The following PLXNA4 variants were observed in gnomAD, a reference collection of about 807,000 sequenced individuals.
PLXNA4 encodes the protein plexin-A4.
In PLXNA4, 44 loss-of-function variants were observed where a neutral mutation model predicts 191.8. That is an observed-to-expected ratio of 0.23 (90% confidence interval 0.18 to 0.29). The LOEUF (loss-of-function observed/expected upper bound fraction) is 0.29, where lower values mean the gene tolerates loss of function less well. PLXNA4 is among the 10% of genes least tolerant of loss of function. The pLI is 1.00. For missense variants in PLXNA4, 1,800 were observed against 2,488.8 expected, an observed-to-expected ratio of 0.72 and a Z score of 5.89; for synonymous variants, 1,082 against 1,009.5, an observed-to-expected ratio of 1.07 and a Z score of -1.36.
chr7:132,398,944 A>C (rs1196427281), intron 3 of PLXNA4, among the ~76,000 whole-genome samples: 1 of 152,146 alleles, frequency 6.6e-6, no homozygotes, highest in Non-Finnish European at 1.5e-5. Flanking sequence ...CTGTCCACAA[A>C]GATGGCCTTT....
chr7:132,636,079 G>A (rs1350748271), intron 2 of PLXNA4, among the ~76,000 whole-genome samples: 2 of 152,202 alleles, frequency 1.3e-5, no homozygotes, highest in African/African-American at 4.8e-5. Flanking sequence ...GCATAGGGAG[G>A]TGTGAGGAAA....
At chr7:132,345,161 G>C (rs753845719) in intron 3 of PLXNA4, among the ~76,000 whole-genome samples, 12 of 152,076 alleles carry the variant, frequency 7.9e-5, no homozygotes, top group Non-Finnish European at 1.6e-4. Flanking sequence ...TAAAATACAG[G>C]CAAAAATTCT....
intron 4 of PLXNA4, among the ~76,000 whole-genome samples, chr7:132,274,952 A>G (rs1800217441): frequency 6.6e-6 from 1 of 151,926 alleles, no homozygotes; most frequent in Admixed American, 6.6e-5. Flanking sequence ...AAGTCTTGTT[A>G]CTGATGATAT....
At chr7:132,493,755 A>G (rs13308289) in intron 2 of PLXNA4, among the ~76,000 whole-genome samples, 386 of 12,054 alleles carry the variant, frequency 0.032, 1 homozygote, top group Middle Eastern at 0.056. Context: ...GGGTGGATGG[A>G]TGGATGGATG....
intron 9 of PLXNA4, among the ~76,000 whole-genome samples, chr7:132,217,897 CTTTTTTTTTTTTTTT>C (rs138576612): frequency 1.4e-4 from 6 of 43,436 alleles, no homozygotes; most frequent in South Asian, 1.2e-3. Context: ...GCTGGATTTG[CTTTTTTTTTTTTTTT>C]TTTTTTTTTT....
intron 1 of PLXNA4, among the ~76,000 whole-genome samples, chr7:132,563,730 C>T (rs1315107453): frequency 2.6e-5 from 3 of 114,218 alleles, no homozygotes; most frequent in African/African-American, 6.8e-5. Flanking sequence ...TCCTCTTCCT[C>T]TTCCTCCTCC....
chr7:132,357,203 A>G (rs1262247088), intron 3 of PLXNA4, among the ~76,000 whole-genome samples: 1 of 152,220 alleles, frequency 6.6e-6, no homozygotes, highest in East Asian at 1.9e-4. Context: ...TGGCAGCCAC[A>G]GGAAATGATA....
intron 11 of PLXNA4, among the ~76,000 whole-genome samples, 157 bp downstream of exon 11, chr7:132,203,166 A>T (rs73155279): frequency 0.028 from 4,250 of 152,248 alleles, 75 homozygotes; most frequent in Middle Eastern, 0.061. Context: ...CTAGAAGCAC[A>T]GATGGTGGAG....
intron 3 of PLXNA4, among the ~76,000 whole-genome samples, chr7:132,360,444 G>A (rs1803888535): frequency 6.6e-6 from 1 of 152,162 alleles, no homozygotes; most frequent in Non-Finnish European, 1.5e-5. Flanking sequence ...AGATTATAAG[G>A]ATCAGAGCAA....
intron 3 of PLXNA4, among the ~76,000 whole-genome samples, chr7:132,471,931 G>C (rs1048421715): frequency 6.6e-6 from 1 of 152,174 alleles, no homozygotes; most frequent in Non-Finnish European, 1.5e-5. Flanking sequence ...CATCGAGTGT[G>C]CTTTATTGAA....
intron 1 of PLXNA4, among the ~76,000 whole-genome samples, chr7:132,565,637 C>CA (rs1801687379): frequency 6.6e-6 from 1 of 152,190 alleles, no homozygotes; most frequent in Admixed American, 6.5e-5. Flanking sequence ...TCCCCTTCCG[C>CA]ATGATTCTTT....
intron 3 of PLXNA4, among the ~76,000 whole-genome samples, chr7:132,338,598 A>G (rs1312924043): frequency 6.6e-6 from 1 of 152,248 alleles, no homozygotes; most frequent in African/African-American, 2.4e-5. Flanking sequence ...TTCAAATCAT[A>G]TGAGGATGTT....
chr7:132,557,572 T>G (rs1007591283), intron 1 of PLXNA4, among the ~76,000 whole-genome samples: 1 of 152,048 alleles, frequency 6.6e-6, no homozygotes, highest in East Asian at 1.9e-4. Flanking sequence ...GTTTTCACCT[T>G]TGCAAAACCT....
At chr7:132,547,355 C>A (rs1800353519) in intron 1 of PLXNA4, among the ~76,000 whole-genome samples, 1 of 152,198 alleles carries the variant, frequency 6.6e-6, no homozygotes. Context: ...ATTTCGGAGT[C>A]TTTACCTTGA....
At chr7:132,478,831 C>T (rs1291569031) in intron 3 of PLXNA4, among the ~76,000 whole-genome samples, 2 of 152,212 alleles carry the variant, frequency 1.3e-5, no homozygotes, top group South Asian at 2.1e-4. Context: ...TAGCCACCTC[C>T]AGCCCCAGAA....
chr7:132,493,180 T>A (rs973890051), intron 2 of PLXNA4, among the ~76,000 whole-genome samples: 1 of 152,132 alleles, frequency 6.6e-6, no homozygotes, highest in Non-Finnish European at 1.5e-5. Context: ...AAGAGAATGT[T>A]TGCTCCAGCC....
intron 3 of PLXNA4, among the ~76,000 whole-genome samples, chr7:132,303,293 G>A (rs938678661): frequency 1.0e-4 from 15 of 149,610 alleles, no homozygotes; most frequent in African/African-American, 2.2e-4. Context: ...GAAATTGGCC[G>A]GGTGCTGTTG....
In PLXNA4 at chr7:132,162,269, C is replaced by T. The variant is rs529665168; in HGVS notation, c.4500+1873G>A. On this transcript the variant is annotated intron_variant, in intron 24 of 31. Coordinates refer to ENST00000321063, the MANE Select transcript of PLXNA4 (RefSeq NM_020911.2). ...CCAGGCCTGAAGGTGGCTATTAAAGCTCCCTGTGGCCGTTTCTTCTCCAGG... is the reference window on the plus strand; with the variant it reads ...CCAGGCCTGAAGGTGGCTATTAAAGTTCCCTGTGGCCGTTTCTTCTCCAGG... Among the ~76,000 whole-genome samples, 139 of 152,340 alleles carry T rather than the reference C, an allele frequency of 9.1e-4. 3 individuals are homozygous for T. Among genetic ancestry groups the T allele is most frequent in the African/African-American group, 3.1e-3 (128 of 41,598 alleles).
At chr7:132,406,987 G>A (rs766310017) in intron 3 of PLXNA4, among the ~76,000 whole-genome samples, 3 of 151,988 alleles carry the variant, frequency 2.0e-5, no homozygotes, top group African/African-American at 4.8e-5. Context: ...AAGCCCAAAC[G>A]GGATTTCCAC....
Sources: gnomAD v4.1 joint callset for allele counts (sites outside exome capture counted in the v4.1 genomes callset) on GRCh38, gnomAD v4.1.1 for gene constraint, MANE v1.5 for transcripts, NCBI Gene and HGNC (gene_info 2026-07-23, HGNC 2026-07-21) for gene names.